ZNF577: variants seen among roughly 807,000 people sequenced by gnomAD.
The protein encoded by ZNF577 is zinc finger protein 577.
ZNF577 carries 14 observed loss-of-function variants against 13.9 expected under a neutral mutation model. The ratio of observed to expected loss-of-function variants is 1.00; its 90% CI spans 0.66 to 1.57. The LOEUF (loss-of-function observed/expected upper bound fraction) is 1.57, where lower values mean the gene tolerates loss of function less well. Ranked by LOEUF, ZNF577 falls within the 40% of genes most tolerant of loss-of-function variation. The probability of loss-of-function intolerance (pLI) is 0.00; values close to 1 mark genes in which losing one functional copy is unlikely to be tolerated. For synonymous variants in ZNF577, 203 were observed against 202.9 expected (o/e 1.00, Z 0.00); for missense variants, 555 against 579.2 (o/e 0.96, Z 0.43).
chr19:51,819,769 A>G (rs1428685785), intron 9 of ZNF577, among the ~76,000 whole-genome samples: 2 of 152,238 alleles, frequency 1.3e-5, no homozygotes, highest in African/African-American at 4.8e-5. Flanking sequence ...CACTTCTCTT[A>G]AAGAAATAGG....
At chr19:51,838,291 C>T (rs564448080) in intron 9 of ZNF577, among the ~76,000 whole-genome samples, 8 of 151,808 alleles carry the variant, frequency 5.3e-5, no homozygotes, top group Admixed American at 2.6e-4. Flanking sequence ...AAATTTTTAG[C>T]GGGGTGGGAG....
intron 9 of ZNF577, among the ~76,000 whole-genome samples, chr19:51,832,801 C>G (rs983002229): frequency 6.9e-6 from 1 of 144,018 alleles, no homozygotes; most frequent in Non-Finnish European, 1.5e-5. Flanking sequence ...AAATAATATT[C>G]TTTCTTCATT....
At position 51,872,556 on chromosome 19, in the gene ZNF577, A is replaced by G. The variant is rs142094475; in HGVS notation, c.1434T>C (p.Tyr478=). ...VAPSVINYIL[Y]LTDIVSE is the part of the protein sequence containing the mutation. ...TTTATTCTGATACAATATCTGTAAG[A>G]TACAAGATATAATTTATTACTGATG... The change falls in exon 6 of 6, where the codon TAT becomes TAC. Residue 478 remains tyrosine, a synonymous_variant. Transcript: ENST00000638348. 2.4e-4 allele frequency: 384 copies of G among 1,600,126 alleles called. 1 individual carries two copies. In the African/African-American group the frequency reaches 4.2e-3, roughly 17 times the overall value.
Position 51,879,671 on chromosome 19 carries a change from G to A in ZNF577, c.60+652C>T, listed in dbSNP as rs117300727. ...TAAATATGAATATATTCTACCAGAT[G>A]TCAATCACAGGGAGGAACTAGATAG... On this transcript the variant is annotated intron_variant, in intron 3 of 5. Coordinates refer to ENST00000638348, the MANE Select transcript of ZNF577 (RefSeq NM_001370449.1). Among the ~76,000 whole-genome samples, 1,438 of 152,306 alleles carry A rather than the reference G, an allele frequency of 9.4e-3. 13 individuals are homozygous for A. Among genetic ancestry groups the A allele is most frequent in the Admixed American group, 0.016 (252 of 15,290 alleles).
At chr19:51,845,240 A>T (rs2084344507) in intron 5 of ZNF577, among the ~76,000 whole-genome samples, 1 of 152,160 alleles carries the variant, frequency 6.6e-6, no homozygotes, top group Non-Finnish European at 1.5e-5. Flanking sequence ...CACACCTGTA[A>T]TCCCAGCACT....
downstream of ZNF577, among the ~76,000 whole-genome samples, chr19:51,865,701 T>G (rs1238891902): frequency 1.3e-5 from 2 of 152,212 alleles, no homozygotes; most frequent in Non-Finnish European, 2.9e-5. Flanking sequence ...GTTAAACACA[T>G]TTGGAAGGGG....
At position 51,870,409 on chromosome 19, in the gene ZNF577, T is replaced by C. The variant is rs542312581; in HGVS notation, c.*2123A>G. On this transcript the variant is annotated 3_prime_UTR_variant, in exon 6 of 6. Coordinates refer to ENST00000638348, the MANE Select transcript of ZNF577 (RefSeq NM_001370449.1). ...AAGTATGGCCTTTTCATGGCTTGCA[T>C]GTATGCTTTGTGAGGAGAGTTCGAG... is the stretch of plus-strand genomic sequence containing the variant. Among the ~76,000 whole-genome samples, 1 of 152,288 alleles carries C rather than the reference T, an allele frequency of 6.6e-6. No individual in the cohort carries two copies. Among genetic ancestry groups the C allele is most frequent in the East Asian group, 1.9e-4 (1 of 5,174 alleles).
chr19:51,834,633 G>A (rs769279418), intron 9 of ZNF577, among the ~76,000 whole-genome samples: 10 of 151,926 alleles, frequency 6.6e-5, no homozygotes, highest in Admixed American at 2.6e-4. Context: ...TTAACTGAAG[G>A]ATAAGAGGAG....
chr19:51,806,052 T>C (rs867743274), intron 10 of ZNF577, among the ~76,000 whole-genome samples: 25 of 152,216 alleles, frequency 1.6e-4, no homozygotes, highest in African/African-American at 6.0e-4. Context: ...CTGGTCCTTC[T>C]GAGCTGCCAA....
intron 5 of ZNF577, among the ~76,000 whole-genome samples, chr19:51,846,612 G>A (rs2084353511): frequency 6.6e-6 from 1 of 151,992 alleles, no homozygotes; most frequent in African/African-American, 2.4e-5. Context: ...GGAGGCTAAG[G>A]AATGAGAATC....
At chr19:51,808,158 G>A (rs899051418) in intron 10 of ZNF577, among the ~76,000 whole-genome samples, 2 of 152,208 alleles carry the variant, frequency 1.3e-5, no homozygotes, top group African/African-American at 2.4e-5. Flanking sequence ...TCCGTGCAGG[G>A]TTTGGTAAAT....
chr19:51,863,433 A>C (rs1236788320), downstream of ZNF577, among the ~76,000 whole-genome samples: 1 of 152,204 alleles, frequency 6.6e-6, no homozygotes, highest in Non-Finnish European at 1.5e-5. Flanking sequence ...TTAAATAATA[A>C]TACTATATCA....
intron 9 of ZNF577, among the ~76,000 whole-genome samples, chr19:51,827,110 C>T (rs2084236120): frequency 6.6e-6 from 1 of 152,124 alleles, no homozygotes; most frequent in Admixed American, 6.5e-5. Flanking sequence ...ATTCAGACTC[C>T]TTGAATAATC....
intron 9 of ZNF577, among the ~76,000 whole-genome samples, chr19:51,813,889 G>A (rs563905607): frequency 4.6e-5 from 7 of 152,166 alleles, no homozygotes; most frequent in African/African-American, 1.7e-4. Context: ...CAGTTTTTTT[G>A]TTTATCTTCA....
At chr19:51,861,575 A>G (rs1186586236) in intron 5 of ZNF577, 1 of 152,282 alleles carries the variant, frequency 6.6e-6, no homozygotes, top group Non-Finnish European at 1.5e-5. Flanking sequence ...TGGAACTTCT[A>G]TTGTGTCTGA....
chr19:51,847,118 TACAA>T (rs1434536251), intron 5 of ZNF577, among the ~76,000 whole-genome samples: 16 of 152,324 alleles, frequency 1.1e-4, no homozygotes, highest in African/African-American at 3.6e-4. Context: ...TTCAAGTGTA[TACAA>T]ACACTCGTGT....
intron 9 of ZNF577, among the ~76,000 whole-genome samples, chr19:51,813,848 T>C (rs1286876528): frequency 1.3e-5 from 2 of 152,118 alleles, no homozygotes; most frequent in African/African-American, 4.8e-5. Flanking sequence ...TTTTCCTCCT[T>C]TATAAAATGA....
chr19:51,839,812 C>A lies in ZNF577; in HGVS notation c.*599+81G>T, dbSNP rs139735304. ...AGATTCCACTGACCATTCCCTGAAGCCTTCTTACACCGCAAACCTCCACAA... is the reference window on the plus strand; with the variant it reads ...AGATTCCACTGACCATTCCCTGAAGACTTCTTACACCGCAAACCTCCACAA... On this transcript the variant is annotated intron_variant and NMD_transcript_variant, in intron 9 of 10. Coordinates refer to the ZNF577 transcript ENST00000638827. 4.0e-3 allele frequency: 610 copies of A among 152,412 alleles called. 1 individual carries two copies. The highest frequency in any genetic ancestry group is 7.3e-3 in the Non-Finnish European group (497 of 68,096). The allele number at this position is 152,412 out of a possible 1,614,324, so 9.4% of individuals were successfully genotyped here. A position where few individuals can be genotyped will look rare whatever the true frequency, so the allele number is the denominator to read the frequency against.
In ZNF577 at chr19:51,877,358, T is replaced by C. The variant is rs780322262; in HGVS notation, c.207A>G (p.Pro69=). 6.2e-7 allele frequency: 1 copy of C among 1,614,150 alleles called. No individual in the cohort carries two copies. Among genetic ancestry groups the C allele is most frequent in the South Asian group, 1.1e-5 (1 of 91,080 alleles). ...CTTGCTCCAACTTGAAGAGCGAATC[T>C]GGCTTGGTGCCTCGATACCCTGTAA... is the stretch of plus-strand genomic sequence containing the variant. ...LVSIGYRGTK[P]DSLFKLEQGE... is the part of the protein sequence containing the mutation. Residue 69 remains proline, a synonymous_variant, in exon 5 of 6, where the codon CCA becomes CCG. Transcript: ENST00000638348.
Sources: gnomAD v4.1 joint callset for allele counts (sites outside exome capture counted in the v4.1 genomes callset) on GRCh38, gnomAD v4.1.1 for gene constraint, MANE v1.5 for transcripts, NCBI Gene and HGNC (gene_info 2026-07-23, HGNC 2026-07-21) for gene names.